DGCR2: variants seen among roughly 807,000 people sequenced by gnomAD.
DGCR2 encodes the protein integral membrane protein DGCR2/IDD.
In DGCR2, 24 loss-of-function variants were observed where a neutral mutation model predicts 51.6. The ratio of observed to expected loss-of-function variants is 0.47; its 90% confidence interval spans 0.34 to 0.65. The LOEUF (loss-of-function observed/expected upper bound fraction) is 0.65. DGCR2 is among the 30% of genes least tolerant of loss of function. The pLI is 0.01. For missense variants in DGCR2, 765 were observed against 772.1 expected, an observed-to-expected ratio of 0.99 and a Z score of 0.11; for synonymous variants, 340 against 315.4, an observed-to-expected ratio of 1.08 and a Z score of -0.82.
intron 2 of DGCR2, among the ~76,000 whole-genome samples, chr22:19,081,696 T>C (rs144974273): frequency 1.3e-5 from 2 of 152,270 alleles, no homozygotes; most frequent in East Asian, 1.9e-4. Context: ...TTTCCCTAAA[T>C]AGAAATCCTG....
chr22:19,050,432 T>C (rs937181327), intron 6 of DGCR2, among the ~76,000 whole-genome samples: 1 of 152,228 alleles, frequency 6.6e-6, no homozygotes, highest in East Asian at 1.9e-4. Flanking sequence ...GAGAAGTTGT[T>C]TGCAGATCCA....
intron 1 of DGCR2, among the ~76,000 whole-genome samples, chr22:19,102,754 G>A (rs2525039): frequency 2.6e-5 from 4 of 151,510 alleles, no homozygotes; most frequent in East Asian, 1.9e-4. Context: ...GCCTGTAATC[G>A]CAGAACTTTG....
chr22:19,108,865 A>T (rs1348456683), intron 1 of DGCR2, among the ~76,000 whole-genome samples: 1 of 151,854 alleles, frequency 6.6e-6, no homozygotes, highest in African/African-American at 2.4e-5. Flanking sequence ...TTACAAAAAA[A>T]AAAAAAAATC....
At chr22:19,083,253 G>C (rs1231461907) in intron 2 of DGCR2, among the ~76,000 whole-genome samples, 1 of 152,140 alleles carries the variant, frequency 6.6e-6, no homozygotes, top group African/African-American at 2.4e-5. Flanking sequence ...TCTGCCCTTT[G>C]CACAGCGATA....
chr22:19,091,857 T>C (rs1490572373), intron 1 of DGCR2, among the ~76,000 whole-genome samples: 1 of 151,860 alleles, frequency 6.6e-6, no homozygotes, highest in Non-Finnish European at 1.5e-5. Flanking sequence ...GGAGAATCGC[T>C]TGAACCTGAA....
chr22:19,119,838 G>C (rs1218413065), intron 1 of DGCR2, among the ~76,000 whole-genome samples: 1 of 152,058 alleles, frequency 6.6e-6, no homozygotes, highest in Admixed American at 6.6e-5. Context: ...GTACCAGAGA[G>C]GAAGCCCAGG....
At position 19,057,175 on chromosome 22, in the gene DGCR2, C is replaced by T. The variant is rs200102672; in HGVS notation, c.626-13G>A. 2.5e-5 allele frequency: 39 copies of T among 1,590,856 alleles called. No individual in the cohort carries two copies. In the African/African-American group the frequency reaches 2.7e-4, roughly 11 times the overall value. On this transcript the variant is annotated splice_polypyrimidine_tract_variant and intron_variant, in intron 5 of 9. Coordinates refer to ENST00000263196, the MANE Select transcript of DGCR2 (RefSeq NM_005137.3). The surrounding 1 kb of genome is among the most constrained non-coding windows in gnomAD (Gnocchi z 5.1). ...ACCTCTGAAGAGCCTGTTGGGGAGA[C>T]AAAAGGTGGGGCTGGACAACATCAC...
At chr22:19,045,286 T>C (rs1237388837) in intron 7 of DGCR2, 1 of 152,274 alleles carries the variant, frequency 6.6e-6, no homozygotes, top group Non-Finnish European at 1.5e-5. Context: ...GTCATCTCGA[T>C]TGATTGTTCA....
intron 1 of DGCR2, among the ~76,000 whole-genome samples, chr22:19,103,235 G>A (rs1342336536): frequency 1.3e-5 from 2 of 151,142 alleles, no homozygotes; most frequent in Non-Finnish European, 2.9e-5. Context: ...GTGGGCAGGG[G>A]AATTGGGGAG....
Position 19,038,990 on chromosome 22 carries a change from A to G in DGCR2, c.1528T>C (p.Ser510Pro). 1.2e-6 allele frequency: 2 copies of G among 1,611,658 alleles called. No homozygotes were observed. Among genetic ancestry groups the G allele is most frequent in the Non-Finnish European group, 1.7e-6 (2 of 1,179,434 alleles). The change falls in exon 10 of 10, where the codon TCT becomes CCT. Residue 510 changes from serine to proline, a missense_variant. By Grantham distance (74) the Ser-to-Pro change is moderately conservative. Coordinates refer to ENST00000263196, the MANE Select transcript of DGCR2 (RefSeq NM_005137.3). ...AGCAGGGCGCTGCTGCTGTCGGCAG[A>G]GTCTTCCAGGTCTGCCAGAGAGGCC... ...AGASLADLED[S>P]ADSSSALLVP...
intron 1 of DGCR2, chr22:19,121,549 A>C (rs1225026151): frequency 2.0e-5 from 3 of 152,342 alleles, no homozygotes; most frequent in African/African-American, 7.2e-5. Context: ...CTCATTCATC[A>C]CATACACGCA....
intron 1 of DGCR2, among the ~76,000 whole-genome samples, chr22:19,117,069 A>G (rs1227846739): frequency 6.6e-6 from 1 of 152,170 alleles, no homozygotes; most frequent in Non-Finnish European, 1.5e-5. Flanking sequence ...TACTGCTAAG[A>G]GGACACACAC....
At chr22:19,080,594 T>C (rs929863306) in intron 2 of DGCR2, among the ~76,000 whole-genome samples, 2 of 152,096 alleles carry the variant, frequency 1.3e-5, no homozygotes, top group Non-Finnish European at 1.5e-5. Context: ...TCCCAGCACT[T>C]TGGGAGGCTG....
chr22:19,083,719 C>CTT (rs1334246551), intron 2 of DGCR2, among the ~76,000 whole-genome samples: 1 of 130,728 alleles, frequency 7.6e-6, no homozygotes, highest in Non-Finnish European at 1.6e-5. Context: ...CTCTCCCTCT[C>CTT]CCCACGGTCT....
At chr22:19,058,044 C>G (rs866864169) in intron 5 of DGCR2, among the ~76,000 whole-genome samples, 1 of 152,232 alleles carries the variant, frequency 6.6e-6, no homozygotes, top group African/African-American at 2.4e-5. Context: ...GTGCTCTCCC[C>G]CTCCTAAGAC....
chr22:19,040,461 C>A (rs902170371), intron 9 of DGCR2, among the ~76,000 whole-genome samples: 1 of 152,204 alleles, frequency 6.6e-6, no homozygotes. Context: ...GGATGGGACA[C>A]CTGCACTGCT....
chr22:19,076,723 CA>C (rs1190827866), intron 2 of DGCR2, among the ~76,000 whole-genome samples: 28 of 118,776 alleles, frequency 2.4e-4, no homozygotes, highest in Non-Finnish European at 3.3e-4. Flanking sequence ...GTCCTTTGCA[CA>C]TTTTTTTTTT....
At chr22:19,091,688 G>C (rs2083080440) in intron 1 of DGCR2, among the ~76,000 whole-genome samples, 1 of 151,766 alleles carries the variant, frequency 6.6e-6, no homozygotes, top group Admixed American at 6.6e-5. Context: ...GAGGCAGGCA[G>C]ATCACTTGAG....
intron 3 of DGCR2, chr22:19,065,311 T>C (rs1021792113): frequency 1.9e-6 from 1 of 524,108 alleles, no homozygotes. Context: ...GATCTTTTAA[T>C]TTATTCACTA....
Sources: allele counts gnomAD v4.1 joint callset (sites outside exome capture counted in the v4.1 genomes callset), GRCh38; gene constraint gnomAD v4.1.1; non-coding constraint Gnocchi (gnomAD v3.1); transcripts MANE v1.5; gene names NCBI Gene and HGNC (gene_info 2026-07-23, HGNC 2026-07-21).